The following CHD2 variants were observed in gnomAD, a reference collection of about 807,000 sequenced individuals.
CHD2 encodes the protein chromodomain helicase DNA binding protein 2, also known as ATP-dependent chromatin remodeler CHD2.
A neutral mutation model predicts 243.9 loss-of-function variants in CHD2; 28 were observed. That is an observed-to-expected ratio of 0.11 (90% CI 0.09 to 0.16). CHD2 has a LOEUF of 0.16. Among genes scored for constraint, CHD2 ranks in the 10% least tolerant of loss-of-function variants. The pLI is 1.00. For synonymous variants in CHD2, 775 were observed against 779.0 expected (o/e 0.99, Z 0.09); for missense variants, 1,386 against 2,209.8 (o/e 0.63, Z 7.47).
intron 21 of CHD2, among the ~76,000 whole-genome samples, chr15:92,978,750 A>G (rs74455569): frequency 0.071 from 10,833 of 152,262 alleles, 549 homozygotes; most frequent in South Asian, 0.12. Flanking sequence ...TTAGCTTTAA[A>G]GGTACTTTGG....
intron 13 of CHD2, 91 bp downstream of exon 13, chr15:92,949,167 C>T (rs917985653): frequency 2.6e-6 from 4 of 1,562,848 alleles, no homozygotes; most frequent in Middle Eastern, 1.9e-4. Flanking sequence ...TTTTTCACAC[C>T]CTTATTGTAT....
intron 5 of CHD2, 52 bp downstream of exon 5, chr15:92,929,143 G>A: frequency 2.6e-6 from 4 of 1,524,656 alleles, no homozygotes; most frequent in Non-Finnish European, 3.6e-6. Flanking sequence ...AAACTTGTCA[G>A]CATTTCTAGG....
chr15:93,014,796 C>T lies in CHD2; in HGVS notation c.4793C>T (p.Ser1598Leu), dbSNP rs1382300456. ...TCTCTGATATCTCAGTCCCATACCTCACACAACCTTCACCCTCAGAAGCCT... is the reference window on the plus strand; with the variant it reads ...TCTCTGATATCTCAGTCCCATACCTTACACAACCTTCACCCTCAGAAGCCT... ...RDSLISQSHT[S>L]HNLHPQKPHL... is the part of the protein sequence containing the mutation. Residue 1598 changes from serine to leucine, a missense_variant, in exon 37 of 39, where the codon TCA (serine) becomes TTA (leucine). This residue lies in a region of CHD2 where 347 missense variants were observed against 341.6 expected (regional missense o/e 1.02). Transcript: ENST00000394196. 1.2e-6 allele frequency: 2 copies of T among 1,614,080 alleles called. No homozygotes were observed. The highest frequency in any genetic ancestry group is 1.3e-5 in the African/African-American group (1 of 74,934).
intron 2 of CHD2, among the ~76,000 whole-genome samples, chr15:92,909,370 A>T (rs1450690161): frequency 6.6e-6 from 1 of 152,210 alleles, no homozygotes; most frequent in Non-Finnish European, 1.5e-5. Flanking sequence ...CCGACATTGA[A>T]AAAATACAAA....
chr15:92,989,694 CT>C (rs1322092507), intron 26 of CHD2, among the ~76,000 whole-genome samples: 1 of 152,202 alleles, frequency 6.6e-6, no homozygotes, highest in East Asian at 1.9e-4. Flanking sequence ...ATTGACAACT[CT>C]GCCTTAACTT....
rs1159477387 is a variant in CHD2, at chr15:92,912,143, GT to G, written c.62+10847del. 2.0e-5 allele frequency among the ~76,000 whole-genome samples: 3 copies of G among 152,152 alleles called. No homozygotes were observed. The East Asian group carries it at 5.8e-4, about 29-fold the overall frequency. Reference sequence around the variant, plus strand: ...TTTGAAGATTTGTGCTTTGCTTCAAGTTTGTTTTTTTTTGTTCGAAACTTAG... The same window carrying G: ...TTTGAAGATTTGTGCTTTGCTTCAAGTTGTTTTTTTTTGTTCGAAACTTAG... On this transcript the variant is annotated intron_variant, in intron 2 of 38. Transcript: ENST00000394196.
chr15:92,983,300 A>G (rs192447749), intron 24 of CHD2, among the ~76,000 whole-genome samples: 3 of 152,226 alleles, frequency 2.0e-5, no homozygotes, highest in African/African-American at 4.8e-5. Flanking sequence ...TTCAAGCACT[A>G]TCTTAAGTTA....
chr15:92,977,077 A>G (rs17525576), intron 20 of CHD2, among the ~76,000 whole-genome samples: 11,470 of 152,186 alleles, frequency 0.075, 463 homozygotes, highest in Middle Eastern at 0.19. Flanking sequence ...AAAGAGTGAT[A>G]TAGCAGATTG....
rs767339884 is a variant in CHD2, at chr15:92,927,205, C to T, written c.295-39C>T. The T allele has an allele frequency of 4.3e-6, 6 of 1,401,094 alleles. No individual in the cohort carries two copies. In the South Asian group the frequency reaches 7.2e-5, roughly 17 times the overall value. 86.8% of individuals were successfully genotyped at this position (1,401,094 alleles called of 1,614,324 possible). ...AACGTTTGATAATAATAATGGGGGT[C>T]AAGAAAAAAGATTAATGCGTGGTCT... On this transcript the variant is annotated intron_variant, in intron 3 of 38. Transcript: ENST00000394196.
In CHD2 at chr15:93,000,573, A is replaced by C; in HGVS notation, c.4070A>C (p.Glu1357Ala). 1.2e-6 allele frequency: 2 copies of C among 1,613,894 alleles called. No homozygotes were observed. The highest frequency in any genetic ancestry group is 1.7e-6 in the Non-Finnish European group (2 of 1,179,836). ...KKENKVPRLKEEHGIELSSPR... is the reference protein window; with the variant it reads ...KKENKVPRLKAEHGIELSSPR... ...GAAAACAAAGTGCCCAGGCTGAAAGAGGAGCATGGAATTGAGCTTTCATCT... is the reference window on the plus strand; with the variant it reads ...GAAAACAAAGTGCCCAGGCTGAAAGCGGAGCATGGAATTGAGCTTTCATCT... Residue 1357 changes from glutamate to alanine, a missense_variant, in exon 32 of 39, where the codon GAG becomes GCG. This residue lies in a region of CHD2 where 125 missense variants were observed against 128.9 expected (regional missense o/e 0.97). Coordinates refer to ENST00000394196, the MANE Select transcript of CHD2 (RefSeq NM_001271.4).
chr15:92,960,855 C>G (rs2053678621), intron 16 of CHD2, among the ~76,000 whole-genome samples: 1 of 151,784 alleles, frequency 6.6e-6, no homozygotes, highest in South Asian at 2.1e-4. Flanking sequence ...GCTGGGATTA[C>G]AAGCATGCAC....
At chr15:92,918,059 G>A (rs2052877096) in intron 2 of CHD2, among the ~76,000 whole-genome samples, 1 of 152,198 alleles carries the variant, frequency 6.6e-6, no homozygotes, top group Admixed American at 6.5e-5. Context: ...GTGAAATGGC[G>A]GCTTTTGGGC....
intron 1 of CHD2, 42 bp downstream of exon 1, chr15:92,900,866 G>GT: frequency 2.5e-6 from 1 of 406,108 alleles, no homozygotes. Flanking sequence ...AGATTTATTT[G>GT]TTTAAGTTTG....
At chr15:92,942,521 GGA>G (rs2053399881) in intron 8 of CHD2, among the ~76,000 whole-genome samples, 1 of 151,506 alleles carries the variant, frequency 6.6e-6, no homozygotes, top group Admixed American at 6.6e-5. Flanking sequence ...CCTTAGTCTT[GGA>G]GAGAGGGATT....
At chr15:93,003,221 G>T (rs1443637739) in intron 33 of CHD2, among the ~76,000 whole-genome samples, 3 of 151,380 alleles carry the variant, frequency 2.0e-5, no homozygotes, top group Non-Finnish European at 4.4e-5. Flanking sequence ...GGAGCTCGAG[G>T]CTGCAGTGAG....
chr15:92,956,740 A>T, intron 16 of CHD2, 91 bp downstream of exon 16: 2 of 1,243,104 alleles, frequency 1.6e-6, no homozygotes, highest in Non-Finnish European at 2.2e-6. Context: ...GGGAAAACAG[A>T]TGGCATGGTT....
At chr15:92,916,637 T>TC (rs2052842206) in intron 2 of CHD2, among the ~76,000 whole-genome samples, 1 of 152,182 alleles carries the variant, frequency 6.6e-6, no homozygotes. Flanking sequence ...CACTGCAACC[T>TC]CCAACTCCCA....
rs376985710 is a variant in CHD2 at position 93,015,836 on chromosome 15, AG to A, written c.4906+928del. On this transcript the variant is annotated intron_variant, in intron 37 of 38. Transcript: ENST00000394196. ...TCACTTCACACTTGTTAGGATGGCT[AG>A]TACCAAAAAGTCAAAAGATAAGGGT... Among the ~76,000 whole-genome samples, 3 of 152,352 alleles carry A rather than the reference AG, an allele frequency of 2.0e-5. No individual in the cohort carries two copies. In the East Asian group the frequency reaches 5.8e-4, roughly 29 times the overall value.
intron 5 of CHD2, among the ~76,000 whole-genome samples, chr15:92,935,719 C>G (rs1162788540): frequency 3.3e-5 from 5 of 152,178 alleles, no homozygotes; most frequent in African/African-American, 9.7e-5. Context: ...TTCTTCCTTC[C>G]TGGTGATCAC....
Sources: allele counts gnomAD v4.1 joint callset (sites outside exome capture counted in the v4.1 genomes callset), GRCh38; gene constraint gnomAD v4.1.1; regional missense constraint gnomAD v4.1.1; transcripts MANE v1.5; gene names NCBI Gene and HGNC (gene_info 2026-07-23, HGNC 2026-07-21).